NEK9: variants seen among roughly 807,000 people sequenced by gnomAD.
NEK9 encodes NIMA related kinase 9, also known as serine/threonine-protein kinase Nek9.
NEK9 carries 75 observed loss-of-function variants against 123.4 expected under a neutral mutation model. The ratio of observed to expected loss-of-function variants is 0.61; its 90% confidence interval spans 0.50 to 0.74. The LOEUF is 0.74. Ranked by LOEUF, NEK9 falls within the 30% of genes least tolerant of loss-of-function variation. The pLI, the probability that NEK9 is intolerant of heterozygous loss-of-function variation, is 0.00. For synonymous variants in NEK9, 438 were observed against 458.7 expected (o/e 0.95, Z 0.58); for missense variants, 952 against 1,214.4 (o/e 0.78, Z 3.21).
At chr14:75,097,372 A>G (rs1894424968) in intron 16 of NEK9, 102 bp from the exon 17 acceptor site, 1 of 979,508 alleles carries the variant, frequency 1.0e-6, no homozygotes, top group African/African-American at 1.6e-5. Context: ...ACTTCCCACT[A>G]TGTACTAAAC....
intron 8 of NEK9, among the ~76,000 whole-genome samples, chr14:75,112,435 G>C (rs914882998): frequency 2.0e-5 from 3 of 152,174 alleles, no homozygotes; most frequent in African/African-American, 7.2e-5. Context: ...AATAACCTCT[G>C]AGGAGTCAAT....
chr14:75,117,499 T>A (rs148221279), intron 5 of NEK9, among the ~76,000 whole-genome samples, 173 bp from the exon 6 acceptor site: 1 of 152,326 alleles, frequency 6.6e-6, no homozygotes, highest in Non-Finnish European at 1.5e-5. Flanking sequence ...GAAATCTTAT[T>A]CATATCAAAC....
Position 75,105,932 on chromosome 14 carries a change from A to C in NEK9, c.1575+18T>G. The stretch of plus-strand genomic sequence containing the variant: ...CGACTTAAGATAGGTTTTAGAAATA[A>C]GTTGCTTCTGATTTTACCTTTTGTG... On this transcript the variant is annotated intron_variant, in intron 13 of 21. Coordinates refer to ENST00000238616, the MANE Select transcript of NEK9 (RefSeq NM_033116.6). 6.2e-7 allele frequency: 1 copy of C among 1,603,730 alleles called. No homozygotes were observed. Among genetic ancestry groups the C allele is most frequent in the South Asian group, 1.1e-5 (1 of 90,848 alleles).
At chr14:75,104,250 T>C (rs111518372) in intron 13 of NEK9, among the ~76,000 whole-genome samples, 244 of 151,998 alleles carry the variant, frequency 1.6e-3, no homozygotes, top group African/African-American at 5.6e-3. Flanking sequence ...CCGCAATCTC[T>C]GCCTCCCAGG....
At chr14:75,124,513 G>A (rs1212007712) in intron 1 of NEK9, among the ~76,000 whole-genome samples, 1 of 152,144 alleles carries the variant, frequency 6.6e-6, no homozygotes, top group Non-Finnish European at 1.5e-5. Context: ...TTCTATTGAG[G>A]ATACTATGAC....
At chr14:75,108,514 C>CGTGTGT (rs35358755) in intron 10 of NEK9, among the ~76,000 whole-genome samples, 140 of 147,914 alleles carry the variant, frequency 9.5e-4, no homozygotes, top group African/African-American at 3.2e-3. Context: ...TGTGCGTGTG[C>CGTGTGT]GTGTGTGTGT....
At chr14:75,104,506 G>C (rs952116461) in intron 13 of NEK9, among the ~76,000 whole-genome samples, 1 of 147,782 alleles carries the variant, frequency 6.8e-6, no homozygotes, top group African/African-American at 2.5e-5. Context: ...TTTTGAGGTG[G>C]AGTCTTGCTC....
chr14:75,126,752 A>C lies in NEK9; in HGVS notation c.170T>G (p.Val57Gly), dbSNP rs765144535. 2.9e-5 allele frequency: 44 copies of C among 1,504,922 alleles called. No individual in the cohort carries two copies. Among genetic ancestry groups the C allele is most frequent in the Non-Finnish European group, 3.4e-5 (38 of 1,127,990 alleles). 93.2% of individuals were successfully genotyped at this position (1,504,922 alleles called of 1,614,324 possible). A position where few individuals can be genotyped will look rare whatever the true frequency, so the allele number is the denominator to read the frequency against. ...TTCCCCGAAGGCGCCGCGGCCCAGG[A>C]CGCGGATGGGGATGTAGTGCAGTTC... ...QEELHYIPIR[V>G]LGRGAFGEAT... Residue 57 changes from valine (V) to glycine (G), a missense_variant, in exon 1 of 22, where the codon GTC becomes GGC. By Grantham distance (109) the Val-to-Gly change is moderately radical. Coordinates refer to ENST00000238616, the MANE Select transcript of NEK9 (RefSeq NM_033116.6).
chr14:75,089,335 C>T (rs1894132864), intron 19 of NEK9, among the ~76,000 whole-genome samples: 1 of 151,890 alleles, frequency 6.6e-6, no homozygotes, highest in Admixed American at 6.6e-5. Context: ...TCAAGTGGTC[C>T]TCCTACTTCA....
Position 75,088,619 on chromosome 14 carries a change from A to G in NEK9, c.2465T>C (p.Ile822Thr). The change falls in exon 20 of 22, where the codon ATC (isoleucine) becomes ACC (threonine). Residue 822 changes from isoleucine (I) to threonine (T), a missense_variant. By Grantham distance (89) the Ile-to-Thr change is moderately conservative (BLOSUM62 -1). This residue lies in a region of NEK9 where 698 missense variants were observed against 875.6 expected (regional missense o/e 0.80). Coordinates refer to ENST00000238616, the MANE Select transcript of NEK9 (RefSeq NM_033116.6). Reference protein sequence around the residue: ...LRKELENAEFIPMPDSPSPLS... With the variant: ...LRKELENAEFTPMPDSPSPLS... ...AGGAGATGGGCTGTCAGGCATGGGG[A>G]TAAATTCTGCATTTTCCAGCTCCTA... The G allele has an allele frequency of 6.2e-7, 1 of 1,613,876 alleles. No individual in the cohort carries two copies.
rs1286836811 is a variant in NEK9 at position 75,120,461 on chromosome 14, G to A, written c.524+49C>T. On this transcript the variant is annotated intron_variant, in intron 4 of 21. Coordinates refer to ENST00000238616, the MANE Select transcript of NEK9 (RefSeq NM_033116.6). Reference sequence around the variant, plus strand: ...TTGTTGGGGGGGTATCCACGGTAGGGGCTGAATTGGTAGGGAAGAATCCAT... The same window carrying A: ...TTGTTGGGGGGGTATCCACGGTAGGAGCTGAATTGGTAGGGAAGAATCCAT... 3 of 1,343,344 alleles carry A rather than the reference G, an allele frequency of 2.2e-6. No individual in the cohort carries two copies. The African/African-American group carries it at 4.3e-5, about 19-fold the overall frequency. The allele number at this position is 1,343,344 out of a possible 1,614,324, so 83.2% of individuals were successfully genotyped here.
At position 75,097,239 on chromosome 14, in the gene NEK9, AC is replaced by A; in HGVS notation, c.2033del (p.Gly678ValfsTer7). ...TGGGGGTCATTGCCAGGCGGCCATT[AC>A]CACCATTGCCCCAGGCAAAAATGTG... ...DNHIFAWGNGGNGRLAMTPTE... is the reference protein window; with the variant it reads ...DNHIFAWGNGXNGRLAMTPTE... On this transcript the variant is annotated frameshift_variant, in exon 17 of 22. Coordinates refer to ENST00000238616, the MANE Select transcript of NEK9 (RefSeq NM_033116.6). LOFTEE classifies it high-confidence loss of function. 2 of 1,610,826 alleles carry A rather than the reference AC, an allele frequency of 1.2e-6. No homozygotes were observed. The highest frequency in any genetic ancestry group is 1.7e-6 in the Non-Finnish European group (2 of 1,178,150).
Position 75,084,468 on chromosome 14 carries a change from G to A in NEK9, c.*96C>T. 2.7e-6 allele frequency: 4 copies of A among 1,491,620 alleles called. No homozygotes were observed. Among genetic ancestry groups the A allele is most frequent in the Non-Finnish European group, 3.7e-6 (4 of 1,088,310 alleles). 92.4% of individuals were successfully genotyped at this position (1,491,620 alleles called of 1,614,324 possible). ...TCTGCCTTGCGCTCCTTTTCTGCAA[G>A]TGAACAAAGCCAGGAAAGCTGCTCT... is the stretch of plus-strand genomic sequence containing the variant. On this transcript the variant is annotated 3_prime_UTR_variant, in exon 22 of 22. Transcript: ENST00000238616.
chr14:75,126,051 G>T (rs2139818516), intron 1 of NEK9, among the ~76,000 whole-genome samples: 1 of 152,264 alleles, frequency 6.6e-6, no homozygotes, highest in South Asian at 2.1e-4. Context: ...TTATCAAAGG[G>T]GTCCTTGTGC....
At position 75,106,596 on chromosome 14, in the gene NEK9, G is replaced by C; in HGVS notation, c.1434C>G (p.Leu478=). The C allele has an allele frequency of 1.2e-6, 2 of 1,614,104 alleles. No homozygotes were observed. Among genetic ancestry groups the C allele is most frequent in the Non-Finnish European group, 1.7e-6 (2 of 1,180,014 alleles). The stretch of plus-strand genomic sequence containing the variant: ...AGGAGACCTGCTCCACTGGATTGCT[G>C]AGGAAGAAGTTCAGCTGCATGGGTT... ...VLEPMQLNFF[L]SNPVEQVSCG... is the part of the protein sequence containing the mutation. The change falls in exon 12 of 22, where the codon CTC becomes CTG. Residue 478 remains leucine (L), a synonymous_variant. Transcript: ENST00000238616.
chr14:75,124,322 G>T, intron 1 of NEK9, 99 bp from the exon 2 acceptor site: 1 of 979,674 alleles, frequency 1.0e-6, no homozygotes. Context: ...TTCCTAGAGG[G>T]GCACAGACTG....
chr14:75,118,821 A>C lies in NEK9; in HGVS notation c.630+9T>G. 6.9e-7 allele frequency: 1 copy of C among 1,458,220 alleles called. No homozygotes were observed. Among genetic ancestry groups the C allele is most frequent in the Non-Finnish European group, 9.6e-7 (1 of 1,039,296 alleles). 90.3% of individuals were successfully genotyped at this position (1,458,220 alleles called of 1,614,324 possible). Reference sequence around the variant, plus strand: ...ATAAAATAAAAATTAAGACAAGGGCAACACATACCGTCTCAGCCATGGAAT... The same window carrying C: ...ATAAAATAAAAATTAAGACAAGGGCCACACATACCGTCTCAGCCATGGAAT... On this transcript the variant is annotated intron_variant, in intron 5 of 21. Transcript: ENST00000238616.
At chr14:75,106,424 G>T in intron 12 of NEK9, 78 bp downstream of exon 12, 8 of 984,304 alleles carry the variant, frequency 8.1e-6, no homozygotes, top group Non-Finnish European at 9.6e-6. Context: ...GGGGCTGCAT[G>T]ATGGGTTTAG....
chr14:75,091,344 C>G lies in NEK9; in HGVS notation c.2368G>C (p.Gly790Arg). 6.2e-7 allele frequency: 1 copy of G among 1,614,116 alleles called. No individual in the cohort carries two copies. The highest frequency in any genetic ancestry group is 8.5e-7 in the Non-Finnish European group (1 of 1,180,006). The change falls in exon 19 of 22, where the codon GGT becomes CGT. Residue 790 changes from glycine (G) to arginine (R), a missense_variant. By Grantham distance (125) the Gly-to-Arg change is moderately radical (BLOSUM62 -2). Around this residue, in one of 4 missense-constraint regions of NEK9, gnomAD observed 698 missense variants for 875.6 expected, o/e 0.80. Transcript: ENST00000238616. The stretch of plus-strand genomic sequence containing the variant: ...ATGGCCTCTGTGGGACTGATTAAAC[C>G]TTCCATTCCTCGGTCTGCTTCCATT... ...GTMEADRGMEGLISPTEAMGN... is the reference protein window; with the variant it reads ...GTMEADRGMERLISPTEAMGN...
Sources: allele counts gnomAD v4.1 joint callset (sites outside exome capture counted in the v4.1 genomes callset), GRCh38; gene constraint gnomAD v4.1.1; regional missense constraint gnomAD v4.1.1; transcripts MANE v1.5; gene names NCBI Gene and HGNC (gene_info 2026-07-23, HGNC 2026-07-21).